Variants in PIEZO2 observed in about 807,000 individuals in gnomAD.
PIEZO2 encodes the protein piezo-type mechanosensitive ion channel component 2.
PIEZO2 carries 172 observed loss-of-function variants against 337.3 expected under a neutral mutation model. The ratio of observed to expected loss-of-function variants is 0.51; its 90% CI spans 0.45 to 0.58. PIEZO2 has a LOEUF of 0.58. Ranked by LOEUF, PIEZO2 falls within the 20% of genes least tolerant of loss-of-function variation. The pLI is 0.00. For synonymous variants in PIEZO2, 1,251 were observed against 1,228.5 expected, an observed-to-expected ratio of 1.02 and a Z score of -0.38; for missense variants, 3,028 against 3,391.3, an observed-to-expected ratio of 0.89 and a Z score of 2.66.
At chr18:10,701,192 G>C (rs1382750692) in intron 43 of PIEZO2, among the ~76,000 whole-genome samples, 1 of 152,176 alleles carries the variant, frequency 6.6e-6, no homozygotes, top group Non-Finnish European at 1.5e-5. Flanking sequence ...TAAGACGAGG[G>C]AAAGAAAGTA....
At chr18:10,904,735 C>T (rs976933868) in intron 4 of PIEZO2, among the ~76,000 whole-genome samples, 10 of 152,284 alleles carry the variant, frequency 6.6e-5, no homozygotes, top group African/African-American at 2.4e-4. Context: ...AGTCAATCCA[C>T]AGCCTCTGCA....
rs193187178 is a variant in PIEZO2, at chr18:10,802,744, C to T, written c.1200+1131G>A. On this transcript the variant is annotated intron_variant, in intron 9 of 55. Transcript: ENST00000674853. ...TAGCACTTTGGAAGACCGAGGCAGGCGGATTGCCTAAGCTCAGGAGTTCAA... is the reference window on the plus strand; with the variant it reads ...TAGCACTTTGGAAGACCGAGGCAGGTGGATTGCCTAAGCTCAGGAGTTCAA... Among the ~76,000 whole-genome samples the T allele has an allele frequency of 8.3e-4, 127 of 152,174 alleles. 3 individuals are homozygous for T. Among genetic ancestry groups the T allele is most frequent in the African/African-American group, 2.7e-3 (114 of 41,514 alleles).
At position 10,704,490 on chromosome 18, in the gene PIEZO2, G is replaced by C; in HGVS notation, c.6162C>G (p.Ile2054Met). Residue 2054 changes from isoleucine (I) to methionine (M), a missense_variant, in exon 42 of 56, where the codon ATC (isoleucine) becomes ATG (methionine). Physicochemically the swap from Ile to Met is conservative, Grantham distance 10. This residue lies in a region of PIEZO2 where 1,925 missense variants were observed against 2,051.9 expected (regional missense o/e 0.94). Transcript: ENST00000674853. Reference protein sequence around the residue: ...ILNHMVSASMITLLLPILIFL... With the variant: ...ILNHMVSASMMTLLLPILIFL... ...AGATGAGGATGGGAAGCAGGAGCGT[G>C]ATCATGGAGGCAGAGACCATGTGGT... 6.5e-7 allele frequency: 1 copy of C among 1,537,268 alleles called. No individual in the cohort carries two copies. The highest frequency in any genetic ancestry group is 8.7e-7 in the Non-Finnish European group (1 of 1,146,918).
intron 4 of PIEZO2, among the ~76,000 whole-genome samples, chr18:10,879,769 G>A (rs1345889520): frequency 6.6e-6 from 1 of 152,112 alleles, no homozygotes; most frequent in Non-Finnish European, 1.5e-5. Context: ...ACTCAAGGAA[G>A]CTGAAATTTC....
chr18:10,822,687 TCAC>T (rs1285163787), intron 7 of PIEZO2, among the ~76,000 whole-genome samples: 6 of 152,174 alleles, frequency 3.9e-5, no homozygotes, highest in African/African-American at 1.4e-4. Flanking sequence ...AGGAGCCGGC[TCAC>T]CACATTTCCT....
At chr18:11,018,631 A>C (rs2036208438) in intron 2 of PIEZO2, among the ~76,000 whole-genome samples, 2 of 152,162 alleles carry the variant, frequency 1.3e-5, no homozygotes, top group South Asian at 4.1e-4. Flanking sequence ...CTGGTGGGAC[A>C]GCTTGCTCCT....
chr18:10,689,840 G>T, intron 48 of PIEZO2, 38 bp from the exon 49 acceptor site: 1 of 1,573,406 alleles, frequency 6.4e-7, no homozygotes. Context: ...GACATTCGTG[G>T]GTGGCCCCCA....
intron 1 of PIEZO2, among the ~76,000 whole-genome samples, chr18:11,091,383 C>CAAAAAAAAAAAAA (rs529307821): frequency 1.3e-5 from 1 of 77,872 alleles, no homozygotes; most frequent in African/African-American, 4.2e-5. Context: ...GACTCCGTCT[C>CAAAAAAAAAAAAA]AAAAAAAAAA....
intron 2 of PIEZO2, among the ~76,000 whole-genome samples, chr18:11,017,574 A>T (rs76427088): frequency 0.024 from 3,635 of 152,134 alleles, 145 homozygotes; most frequent in African/African-American, 0.082. Context: ...ATGGAAATCA[A>T]GCTATAAAAT....
rs150550362 is a variant in PIEZO2 at position 10,783,617 on chromosome 18, G to A, written c.2492+1167C>T. On this transcript the variant is annotated intron_variant, in intron 17 of 55. Coordinates refer to ENST00000674853, the MANE Select transcript of PIEZO2 (RefSeq NM_001378183.1). The surrounding 1 kb of genome is among the most constrained non-coding windows in gnomAD (Gnocchi z 4.3). Reference sequence around the variant, plus strand: ...CCCATCCATGCCCTCCTCCCTGCTGGGGCCTTGGGAGCAGAGAGGTTTTAG... The same window carrying A: ...CCCATCCATGCCCTCCTCCCTGCTGAGGCCTTGGGAGCAGAGAGGTTTTAG... Among the ~76,000 whole-genome samples the A allele has an allele frequency of 5.3e-5, 8 of 152,240 alleles. No homozygotes were observed. In the East Asian group the frequency reaches 1.5e-3, roughly 29 times the overall value.
In PIEZO2 at chr18:10,696,488, G is replaced by C. The variant is rs549548007; in HGVS notation, c.6879C>G (p.His2293Gln). ...PIKQFFYNLI[H>Q]PEYSAVTDVY... ...CGTCAGTCACGGCGCTATACTCCGG[G>C]TGGATGAGGTTGTAAAAGAACTGTT... The change falls in exon 46 of 56, where the codon CAC (histidine) becomes CAG (glutamine). Residue 2293 changes from histidine (H) to glutamine (Q), a missense_variant. Physicochemically the swap from His to Gln is conservative, Grantham distance 24. Coordinates refer to ENST00000674853, the MANE Select transcript of PIEZO2 (RefSeq NM_001378183.1). 1.6e-5 allele frequency: 26 copies of C among 1,614,098 alleles called. No homozygotes were observed. The East Asian group carries it at 5.8e-4, about 36-fold the overall frequency.
intron 4 of PIEZO2, among the ~76,000 whole-genome samples, chr18:10,898,010 A>C (rs1419219980): frequency 6.6e-6 from 1 of 152,226 alleles, no homozygotes; most frequent in Non-Finnish European, 1.5e-5. Context: ...ATTTAACATA[A>C]AATCCTGGCT....
In PIEZO2 at chr18:10,952,143, A is replaced by G. The variant is rs982839857; in HGVS notation, c.286+27392T>C. Among the ~76,000 whole-genome samples the G allele has an allele frequency of 6.6e-6, 1 of 152,162 alleles. No individual in the cohort carries two copies. The highest frequency in any genetic ancestry group is 6.5e-5 in the Admixed American group (1 of 15,268). On this transcript the variant is annotated intron_variant, in intron 3 of 55. Transcript: ENST00000674853. This position sits in a 1 kb window ranked among gnomAD's most constrained non-coding sequence, Gnocchi z 4.1. ...CTCTGATCTCTCTACTCTTCAGTAG[A>G]GCCCCCAAAACAAACAGTGAAACAG...
In PIEZO2 at chr18:10,702,847, T is replaced by C. The variant is rs115294120; in HGVS notation, c.6259-676A>G. 7.9e-3 allele frequency among the ~76,000 whole-genome samples: 1,210 copies of C among 152,286 alleles called. 18 individuals are homozygous for C. The highest frequency in any genetic ancestry group is 0.027 in the African/African-American group (1,136 of 41,560). ...AAAGGGAGAGCCTCAACTTAACTTATATAGAAATATTTTATTTATTTTTTT... is the reference window on the plus strand; with the variant it reads ...AAAGGGAGAGCCTCAACTTAACTTACATAGAAATATTTTATTTATTTTTTT... On this transcript the variant is annotated intron_variant, in intron 42 of 55. Transcript: ENST00000674853.
intron 2 of PIEZO2, among the ~76,000 whole-genome samples, chr18:10,985,750 G>T (rs1455613695): frequency 6.6e-6 from 1 of 151,682 alleles, no homozygotes; most frequent in Non-Finnish European, 1.5e-5. Flanking sequence ...AAGATATAAA[G>T]GAATCAAAGC....
intron 40 of PIEZO2, 26 bp from the exon 41 acceptor site, chr18:10,705,772 A>C (rs1335021524): frequency 1.4e-5 from 21 of 1,490,140 alleles, no homozygotes; most frequent in Non-Finnish European, 1.9e-5. Context: ...GTGGGCACAG[A>C]GCCCATGTCT....
At chr18:10,690,338 A>G (rs2034755795) in intron 48 of PIEZO2, among the ~76,000 whole-genome samples, 1 of 152,064 alleles carries the variant, frequency 6.6e-6, no homozygotes, top group South Asian at 2.1e-4. Flanking sequence ...TTCAGAAGGG[A>G]TTGGCCTGGG....
rs7407105 is a variant in PIEZO2 at position 10,758,025 on chromosome 18, G to A, written c.3867C>T (p.Asn1289=). The A allele has an allele frequency of 0.8, 1,228,292 of 1,536,722 alleles. 491,884 individuals carry two copies. Among genetic ancestry groups the A allele is most frequent in the East Asian group, 0.9 (36,862 of 40,892 alleles). The part of the protein sequence containing the change: ...MAGDNVEICM[N]LDAASFSQHN... The stretch of plus-strand genomic sequence containing the variant: ...GTTGGCTGAAGGAGGCCGCATCAAG[G>A]TTCATGCAGATCTCGACATTGTCAC... The change falls in exon 27 of 56, where the codon AAC becomes AAT. Residue 1289 remains asparagine, a synonymous_variant. Coordinates refer to ENST00000674853, the MANE Select transcript of PIEZO2 (RefSeq NM_001378183.1).
rs2040354719 is a variant in PIEZO2, at chr18:11,132,037, T to C, written c.64+16488A>G. On this transcript the variant is annotated intron_variant, in intron 1 of 55. Transcript: ENST00000674853. The surrounding 1 kb of genome is among the most constrained non-coding windows in gnomAD (Gnocchi z 4.7). ...ATTTGCCAACAGCAGAGACCAATAC[T>C]GAGCCCTCGATATGTCACCTTTCCT... 6.6e-6 allele frequency among the ~76,000 whole-genome samples: 1 copy of C among 152,294 alleles called. No individual in the cohort carries two copies. Among genetic ancestry groups the C allele is most frequent in the East Asian group, 1.9e-4 (1 of 5,184 alleles).
Sources: gnomAD v4.1 joint callset for allele counts (sites outside exome capture counted in the v4.1 genomes callset) on GRCh38, gnomAD v4.1.1 for gene constraint, gnomAD v4.1.1 regional missense constraint, Gnocchi (gnomAD v3.1) non-coding constraint, MANE v1.5 for transcripts, NCBI Gene and HGNC (gene_info 2026-07-23, HGNC 2026-07-21) for gene names.